The following ELMOD1 variants were observed in gnomAD, a reference collection of about 807,000 sequenced individuals.
ELMOD1 encodes ELMO domain-containing protein 1.
ELMOD1 carries 21 observed loss-of-function variants against 46.7 expected under a neutral mutation model. The observed-to-expected ratio is 0.45, with a 90% CI of 0.32 to 0.65. The LOEUF (loss-of-function observed/expected upper bound fraction) is 0.65. Ranked by LOEUF, ELMOD1 falls within the 30% of genes least tolerant of loss-of-function variation. The pLI, the probability that ELMOD1 is intolerant of heterozygous loss-of-function variation, is 0.04. For synonymous variants in ELMOD1, 122 were observed against 138.2 expected (o/e 0.88, Z 0.82); for missense variants, 348 against 407.8 (o/e 0.85, Z 1.26).
intron 6 of ELMOD1, among the ~76,000 whole-genome samples, chr11:107,641,958 T>C (rs1184926497): frequency 6.9e-6 from 1 of 144,080 alleles, no homozygotes; most frequent in Non-Finnish European, 1.5e-5. Flanking sequence ...TTTTTTTTTT[T>C]TTTTTAGATG....
chr11:107,597,288 G>T (rs1277797106), intron 1 of ELMOD1, among the ~76,000 whole-genome samples: 1 of 152,170 alleles, frequency 6.6e-6, no homozygotes, highest in Non-Finnish European at 1.5e-5. Flanking sequence ...GTTCATTTAG[G>T]TTCTAAAATC....
At chr11:107,599,740 CA>C (rs56992146) in intron 1 of ELMOD1, among the ~76,000 whole-genome samples, 19 of 91,180 alleles carry the variant, frequency 2.1e-4, no homozygotes, top group Admixed American at 3.9e-4. Flanking sequence ...AGACCTGTCT[CA>C]AAAAAAAAAA....
intron 6 of ELMOD1, among the ~76,000 whole-genome samples, chr11:107,641,209 T>C (rs1035612929): frequency 6.6e-5 from 10 of 151,884 alleles, no homozygotes; most frequent in African/African-American, 2.2e-4. Flanking sequence ...CTAGAATCAC[T>C]TGAGCCTGGG....
chr11:107,593,052 A>C (rs1865430951), intron 1 of ELMOD1: 1 of 152,644 alleles, frequency 6.6e-6, no homozygotes, highest in Non-Finnish European at 1.5e-5. Flanking sequence ...AGTGAAGCTG[A>C]AGTGCTTCAA....
At chr11:107,628,252 C>T (rs1191276399) in intron 2 of ELMOD1, among the ~76,000 whole-genome samples, 1 of 151,744 alleles carries the variant, frequency 6.6e-6, no homozygotes, top group Non-Finnish European at 1.5e-5. Flanking sequence ...CTGCAACCTC[C>T]GCCTCCTGGG....
In ELMOD1 at chr11:107,633,495, C is replaced by T. The variant is rs183293716; in HGVS notation, c.290+1818C>T. Reference sequence around the variant, plus strand: ...TCACCCAGGCTGGAGTGCAATGGCGCAGTCTAGGCTCACTGCAACCTCCAC... The same window carrying T: ...TCACCCAGGCTGGAGTGCAATGGCGTAGTCTAGGCTCACTGCAACCTCCAC... On this transcript the variant is annotated intron_variant, in intron 5 of 11. Transcript: ENST00000265840. 4.6e-3 allele frequency among the ~76,000 whole-genome samples: 705 copies of T among 152,238 alleles called. 2 individuals carry two copies. Among genetic ancestry groups the T allele is most frequent in the Non-Finnish European group, 7.4e-3 (502 of 68,018 alleles).
intron 1 of ELMOD1, among the ~76,000 whole-genome samples, chr11:107,603,309 TG>T (rs1459111037): frequency 1.8e-4 from 28 of 152,178 alleles, no homozygotes; most frequent in African/African-American, 6.5e-4. Flanking sequence ...GAGGCCAAGG[TG>T]GGCACATCGC....
At chr11:107,662,534 C>T (rs557183924) in intron 11 of ELMOD1, among the ~76,000 whole-genome samples, 1 of 150,272 alleles carries the variant, frequency 6.7e-6, no homozygotes, top group East Asian at 2.0e-4. Context: ...CGCTTGAACC[C>T]GGGAGGCAGA....
chr11:107,611,200 A>G (rs1865774943), intron 1 of ELMOD1, among the ~76,000 whole-genome samples: 1 of 152,176 alleles, frequency 6.6e-6, no homozygotes, highest in Non-Finnish European at 1.5e-5. Flanking sequence ...GAAAATATTC[A>G]CAAACTATGC....
intron 1 of ELMOD1, chr11:107,591,862 C>T (rs1175539499): frequency 4.2e-6 from 2 of 480,476 alleles, no homozygotes; most frequent in South Asian, 1.5e-5. Context: ...AGCTAGGCAG[C>T]CGGGCTGCGG....
intron 1 of ELMOD1, among the ~76,000 whole-genome samples, chr11:107,598,000 G>C (rs569682454): frequency 5.3e-5 from 8 of 152,240 alleles, no homozygotes; most frequent in African/African-American, 1.9e-4. Flanking sequence ...TGTACTCTAC[G>C]TGTACTCTGT....
chr11:107,655,837 T>C, intron 10 of ELMOD1, 96 bp from the exon 11 acceptor site: 1 of 1,317,106 alleles, frequency 7.6e-7, no homozygotes, highest in Non-Finnish European at 1.0e-6. Context: ...TTGTACACTG[T>C]CGTGGCACTG....
chr11:107,663,496 T>TAA (rs34343554), intron 11 of ELMOD1, among the ~76,000 whole-genome samples: 1 of 144,156 alleles, frequency 6.9e-6, no homozygotes, highest in East Asian at 2.0e-4. Flanking sequence ...TTAATAAACT[T>TAA]AAAAAAAAAA....
In ELMOD1 at chr11:107,618,109, CACTT is replaced by C. The variant is rs1865890989; in HGVS notation, c.-76_-73del. The C allele has an allele frequency of 4.8e-6, 7 of 1,446,654 alleles. No individual in the cohort carries two copies. The highest frequency in any genetic ancestry group is 3.7e-5 in the South Asian group (3 of 81,758). 89.6% of individuals were successfully genotyped at this position (1,446,654 alleles called of 1,614,324 possible). A position where few individuals can be genotyped will look rare whatever the true frequency, so the allele number is the denominator to read the frequency against. On this transcript the variant is annotated 5_prime_UTR_variant, in exon 2 of 12. Transcript: ENST00000265840. ...ATATCTAATTTCTTCCCACAGTTGACACTTACTTTGACAAAGGCAAATTTGGAAG... is the reference window on the plus strand; with the variant it reads ...ATATCTAATTTCTTCCCACAGTTGACACTTTGACAAAGGCAAATTTGGAAG...
intron 5 of ELMOD1, among the ~76,000 whole-genome samples, chr11:107,634,691 A>G (rs1360741561): frequency 6.6e-6 from 1 of 152,170 alleles, no homozygotes; most frequent in Non-Finnish European, 1.5e-5. Context: ...CAGTGAGCCA[A>G]GATTGTACCA....
intron 2 of ELMOD1, among the ~76,000 whole-genome samples, chr11:107,618,696 G>T (rs1331931155): frequency 6.6e-6 from 1 of 152,186 alleles, no homozygotes; most frequent in African/African-American, 2.4e-5. Flanking sequence ...TTACCTCAGT[G>T]ATGTCTCTGA....
chr11:107,641,090 G>A (rs1393558963), intron 6 of ELMOD1, among the ~76,000 whole-genome samples: 2 of 152,022 alleles, frequency 1.3e-5, no homozygotes, highest in African/African-American at 4.8e-5. Context: ...CCAGGCATTC[G>A]AGACCAGCCT....
At chr11:107,624,151 C>A (rs1411320491) in intron 2 of ELMOD1, among the ~76,000 whole-genome samples, 2 of 151,938 alleles carry the variant, frequency 1.3e-5, no homozygotes, top group African/African-American at 2.4e-5. Flanking sequence ...ATGAATAATA[C>A]CTTTGATGAC....
Position 107,665,186 on chromosome 11 carries a change from A to G in ELMOD1, c.994A>G (p.Ile332Val), listed in dbSNP as rs754448030. 1.9e-6 allele frequency: 3 copies of G among 1,613,890 alleles called. No homozygotes were observed. The South Asian group carries it at 3.3e-5, about 18-fold the overall frequency. ...CPHFAASEGL[I>V]NM ...ACATTTTGCTGCCTCGGAAGGTTTA[A>G]TCAACATGTAGTTGCCCACGCCGGT... The change falls in exon 12 of 12, where the codon ATC becomes GTC. Residue 332 changes from isoleucine to valine, a missense_variant. Physicochemically the swap from Ile to Val is conservative, Grantham distance 29 (BLOSUM62 3). Transcript: ENST00000265840.
Sources: allele counts gnomAD v4.1 joint callset (sites outside exome capture counted in the v4.1 genomes callset), GRCh38; gene constraint gnomAD v4.1.1; transcripts MANE v1.5; gene names NCBI Gene and HGNC (gene_info 2026-07-23, HGNC 2026-07-21).